VPS13D: variants seen among roughly 807,000 people sequenced by gnomAD.
VPS13D encodes vacuolar protein sorting 13 homolog D, also known as intermembrane lipid transfer protein VPS13D.
In VPS13D, 187 loss-of-function variants were observed where a neutral mutation model predicts 461.9. The ratio of observed to expected loss-of-function variants is 0.40; its 90% CI spans 0.36 to 0.46. The LOEUF (loss-of-function observed/expected upper bound fraction) is 0.46, where lower values mean the gene tolerates loss of function less well. VPS13D is among the 20% of genes least tolerant of loss of function. The pLI is 0.60. For missense variants in VPS13D, 4,711 were observed against 5,364.9 expected (o/e 0.88, Z 3.81); for synonymous variants, 1,951 against 1,986.3 (o/e 0.98, Z 0.47).
At chr1:12,425,939 C>A (rs1329184020) in intron 65 of VPS13D, among the ~76,000 whole-genome samples, 1 of 152,226 alleles carries the variant, frequency 6.6e-6, no homozygotes, top group Non-Finnish European at 1.5e-5. Context: ...AAACCATGAG[C>A]CGTTGGAAAC....
intron 67 of VPS13D, among the ~76,000 whole-genome samples, chr1:12,494,536 G>A (rs141029366): frequency 9.3e-4 from 142 of 152,248 alleles, no homozygotes; most frequent in African/African-American, 3.2e-3. Context: ...TAAGAGCTCG[G>A]GTCCAGAAAC....
At chr1:12,508,258 G>A (rs1443212572) in intron 69 of VPS13D, among the ~76,000 whole-genome samples, 7 of 152,280 alleles carry the variant, frequency 4.6e-5, no homozygotes, top group East Asian at 1.9e-4. Context: ...GCTTTTGTTC[G>A]CTGATTCTTC....
Position 12,260,807 on chromosome 1 carries a change from C to G in VPS13D, c.1212+13C>G, listed in dbSNP as rs12033054. ...AGAACTAGCAGAGGTAAGAAATCCT[C>G]TACAAGAGGATTTGTTCAGACCCAG... On this transcript the variant is annotated intron_variant, in intron 11 of 69. Coordinates refer to ENST00000620676, the MANE Select transcript of VPS13D (RefSeq NM_015378.4). 12 of 1,613,866 alleles carry G rather than the reference C, an allele frequency of 7.4e-6. No individual in the cohort carries two copies. The highest frequency in any genetic ancestry group is 1.3e-5 in the African/African-American group (1 of 75,050).
At chr1:12,333,085 T>C in intron 37 of VPS13D, 141 bp from the exon 38 acceptor site, 1 of 977,146 alleles carries the variant, frequency 1.0e-6, no homozygotes, top group Non-Finnish European at 1.5e-6. Flanking sequence ...TAAAGGTGGT[T>C]GGTGCTTTTG....
chr1:12,256,982 C>G lies in VPS13D; in HGVS notation c.841-5C>G. ...ACCTAGTATCTCTTAACCTCTAATA[C>G]AAAGCTGCAATACCGGCAAATCATG... On this transcript the variant is annotated splice_polypyrimidine_tract_variant and splice_region_variant and intron_variant, in intron 8 of 69. Transcript: ENST00000620676. 6.2e-7 allele frequency: 1 copy of G among 1,613,996 alleles called. No individual in the cohort carries two copies. The highest frequency in any genetic ancestry group is 2.2e-5 in the East Asian group (1 of 44,876).
chr1:12,405,478 G>T (rs1016396279), intron 63 of VPS13D, among the ~76,000 whole-genome samples: 1 of 152,214 alleles, frequency 6.6e-6, no homozygotes, highest in Non-Finnish European at 1.5e-5. Context: ...TAGGGCAAGG[G>T]TGACAGCATT....
At chr1:12,458,442 A>T (rs1487223595) in intron 66 of VPS13D, among the ~76,000 whole-genome samples, 1 of 152,052 alleles carries the variant, frequency 6.6e-6, no homozygotes, top group African/African-American at 2.4e-5. Flanking sequence ...GTGGCTCAGG[A>T]CAGTAAGCCC....
chr1:12,317,194 G>A (rs1569889173), intron 30 of VPS13D, among the ~76,000 whole-genome samples: 1 of 152,212 alleles, frequency 6.6e-6, no homozygotes, highest in East Asian at 1.9e-4. Flanking sequence ...AAGAAGGAGT[G>A]CCTCATTGAT....
At chr1:12,379,658 C>T (rs1644246291) in intron 57 of VPS13D, 62 bp downstream of exon 57, 6 of 1,238,468 alleles carry the variant, frequency 4.8e-6, no homozygotes, top group Admixed American at 3.7e-5. Context: ...GAAACAAAGT[C>T]TCTACTAAGT....
chr1:12,460,875 T>C (rs985385247), intron 67 of VPS13D, among the ~76,000 whole-genome samples: 2 of 152,228 alleles, frequency 1.3e-5, no homozygotes, highest in Admixed American at 6.5e-5. Flanking sequence ...TGTGGGTCTG[T>C]TCCTTCTTAA....
intron 37 of VPS13D, among the ~76,000 whole-genome samples, chr1:12,331,764 G>C (rs1023931500): frequency 6.7e-6 from 1 of 148,398 alleles, no homozygotes; most frequent in Non-Finnish European, 1.5e-5. Flanking sequence ...TTCTAGTTGA[G>C]AGAAACTCTT....
chr1:12,414,283 T>C (rs756847538), intron 63 of VPS13D, among the ~76,000 whole-genome samples: 3 of 152,022 alleles, frequency 2.0e-5, no homozygotes, highest in African/African-American at 2.4e-5. Flanking sequence ...GAACCTGTTA[T>C]CTAGTCTGCC....
intron 67 of VPS13D, among the ~76,000 whole-genome samples, chr1:12,488,373 A>G (rs1055483407): frequency 6.6e-6 from 1 of 152,254 alleles, no homozygotes; most frequent in African/African-American, 2.4e-5. Flanking sequence ...ATCTGAGGCT[A>G]AGAACAATCT....
At chr1:12,447,849 C>T (rs957697808) in intron 65 of VPS13D, among the ~76,000 whole-genome samples, 1 of 152,074 alleles carries the variant, frequency 6.6e-6, no homozygotes, top group African/African-American at 2.4e-5. Context: ...GAGGAATGTT[C>T]GGTTTCATTT....
rs149804263 is a variant in VPS13D, at chr1:12,275,914, C to G, written c.2326C>G (p.Pro776Ala). The G allele has an allele frequency of 1.2e-6, 2 of 1,613,960 alleles. No individual in the cohort carries two copies. The highest frequency in any genetic ancestry group is 1.7e-6 in the Non-Finnish European group (2 of 1,180,000). ...ATATAAGACCCCCCTGGCCACACCTCCTAACACCCCACCTCCCGAGTCAAG... is the reference window on the plus strand; with the variant it reads ...ATATAAGACCCCCCTGGCCACACCTGCTAACACCCCACCTCCCGAGTCAAG... ...DEYKTPLATP[P>A]NTPPPESSSS... is the part of the protein sequence containing the mutation. Residue 776 changes from proline to alanine, a missense_variant, in exon 19 of 70, where the codon CCT becomes GCT. Coordinates refer to ENST00000620676, the MANE Select transcript of VPS13D (RefSeq NM_015378.4).
At chr1:12,482,702 C>G (rs1433846223) in intron 67 of VPS13D, among the ~76,000 whole-genome samples, 1 of 147,464 alleles carries the variant, frequency 6.8e-6, no homozygotes, top group African/African-American at 2.5e-5. Flanking sequence ...ATGGTAACCC[C>G]ACCAGACATC....
chr1:12,354,770 T>G (rs899644913), intron 47 of VPS13D, among the ~76,000 whole-genome samples: 5 of 152,218 alleles, frequency 3.3e-5, no homozygotes, highest in Admixed American at 1.3e-4. Flanking sequence ...ATACCTGGGC[T>G]TTTTCACACT....
At chr1:12,459,792 A>G (rs1411543970) in intron 66 of VPS13D, among the ~76,000 whole-genome samples, 1 of 151,980 alleles carries the variant, frequency 6.6e-6, no homozygotes, top group East Asian at 1.9e-4. Flanking sequence ...CTTATATTTC[A>G]TAGGATGCCA....
chr1:12,381,689 G>A (rs1042325445), intron 57 of VPS13D, among the ~76,000 whole-genome samples: 1 of 152,154 alleles, frequency 6.6e-6, no homozygotes, highest in Non-Finnish European at 1.5e-5. Flanking sequence ...TTCAAATAAG[G>A]CAGACGCCAA....
Sources: gnomAD v4.1 joint callset for allele counts (sites outside exome capture counted in the v4.1 genomes callset) on GRCh38, gnomAD v4.1.1 for gene constraint, MANE v1.5 for transcripts, NCBI Gene and HGNC (gene_info 2026-07-23, HGNC 2026-07-21) for gene names.